SLC4A4: variants seen among roughly 807,000 people sequenced by gnomAD.
SLC4A4 encodes the protein solute carrier family 4 member 4.
SLC4A4 carries 27 observed loss-of-function variants against 111.5 expected under a neutral mutation model. The ratio of observed to expected loss-of-function variants is 0.24; its 90% CI spans 0.18 to 0.33. The LOEUF (loss-of-function observed/expected upper bound fraction) is 0.33. SLC4A4 is among the 10% of genes least tolerant of loss of function. The probability of loss-of-function intolerance (pLI) is 1.00; values close to 1 mark genes in which losing one functional copy is unlikely to be tolerated. For missense variants in SLC4A4, 909 were observed against 1,315.5 expected (o/e 0.69, Z 4.78); for synonymous variants, 443 against 463.4 (o/e 0.96, Z 0.57).
intron 16 of SLC4A4, among the ~76,000 whole-genome samples, chr4:71,499,477 T>A (rs2149154240): frequency 6.6e-6 from 1 of 152,322 alleles, no homozygotes; most frequent in South Asian, 2.1e-4. Context: ...TTAGCAATTT[T>A]AAAATATACA....
At chr4:71,145,711 C>G (rs1320429973) in intron 2 of SLC4A4, among the ~76,000 whole-genome samples, 1 of 152,096 alleles carries the variant, frequency 6.6e-6, no homozygotes, top group African/African-American at 2.4e-5. Context: ...TCCATTTCTT[C>G]TAGATTTTCT....
At chr4:71,309,112 T>A (rs1725928597) in intron 3 of SLC4A4, among the ~76,000 whole-genome samples, 1 of 152,096 alleles carries the variant, frequency 6.6e-6, no homozygotes, top group Non-Finnish European at 1.5e-5. Context: ...GGACTGGACG[T>A]AACTCAACAC....
At position 71,135,917 on chromosome 4, in the gene SLC4A4, C is replaced by A. The variant is rs528798579; in HGVS notation, c.-2+43125C>A. 2.0e-5 allele frequency among the ~76,000 whole-genome samples: 3 copies of A among 152,310 alleles called. No individual in the cohort carries two copies. The South Asian group carries it at 6.2e-4, about 32-fold the overall frequency. On this transcript the variant is annotated intron_variant, in intron 2 of 26. Transcript: ENST00000649996. The stretch of plus-strand genomic sequence containing the variant: ...TGTCGATGCCTTGCCTAGCCAGTCT[C>A]CTGAAAGAACGCAGTATTTTGGACT...
rs375487280 is a variant in SLC4A4, at chr4:71,374,297, G to A, written c.730+17110G>A. Reference sequence around the variant, plus strand: ...GGGTCACTTATTGTACCATTTCCACGTATATTTTTGGCCTTTAAAATCTAA... The same window carrying A: ...GGGTCACTTATTGTACCATTTCCACATATATTTTTGGCCTTTAAAATCTAA... On this transcript the variant is annotated intron_variant, in intron 6 of 25. Coordinates refer to ENST00000264485, the MANE Select transcript of SLC4A4 (RefSeq NM_001098484.3). Among the ~76,000 whole-genome samples, 12 of 152,064 alleles carry A rather than the reference G, an allele frequency of 7.9e-5. No homozygotes were observed. The East Asian group carries it at 1.7e-3, about 22-fold the overall frequency.
At chr4:71,180,888 T>A (rs1431853535) in intron 2 of SLC4A4, among the ~76,000 whole-genome samples, 1 of 152,112 alleles carries the variant, frequency 6.6e-6, no homozygotes, top group Non-Finnish European at 1.5e-5. Context: ...GGATTATAAA[T>A]CATGCTACTA....
chr4:71,474,117 CAAA>C (rs55943109), intron 14 of SLC4A4, among the ~76,000 whole-genome samples: 249 of 121,286 alleles, frequency 2.1e-3, no homozygotes, highest in Middle Eastern at 4.3e-3. Context: ...AAGACCCTGT[CAAA>C]AAAAAAAAAA....
At chr4:71,079,453 A>G (rs947027309) in intron 1 of SLC4A4, among the ~76,000 whole-genome samples, 2 of 152,174 alleles carry the variant, frequency 1.3e-5, no homozygotes, top group African/African-American at 4.8e-5. Flanking sequence ...TTCAAGTACT[A>G]TGATGACAGG....
At chr4:71,410,100 G>T (rs1721234063) in intron 7 of SLC4A4, among the ~76,000 whole-genome samples, 1 of 152,210 alleles carries the variant, frequency 6.6e-6, no homozygotes, top group African/African-American at 2.4e-5. Flanking sequence ...CAGGGGTGGG[G>T]CCCTTATGGA....
chr4:71,171,160 T>C (rs1744922911), intron 2 of SLC4A4, among the ~76,000 whole-genome samples: 1 of 147,916 alleles, frequency 6.8e-6, no homozygotes, highest in Non-Finnish European at 1.5e-5. Flanking sequence ...GTTTGTTTTG[T>C]TTTTTTTTTT....
At chr4:71,316,246 T>C (rs902005928) in intron 3 of SLC4A4, among the ~76,000 whole-genome samples, 3 of 152,172 alleles carry the variant, frequency 2.0e-5, no homozygotes, top group African/African-American at 7.2e-5. Flanking sequence ...TGGGCTTCAA[T>C]TTATTTGCCA....
intron 2 of SLC4A4, among the ~76,000 whole-genome samples, chr4:71,105,280 A>T (rs1000542541): frequency 2.0e-5 from 3 of 150,506 alleles, no homozygotes; most frequent in Admixed American, 2.0e-4. Context: ...GAGGATACAA[A>T]CAAATGGAAG....
intron 6 of SLC4A4, among the ~76,000 whole-genome samples, chr4:71,376,342 C>G (rs1051282192): frequency 3.6e-4 from 55 of 150,860 alleles, no homozygotes; most frequent in African/African-American, 1.3e-3. Flanking sequence ...GCTGGGACTA[C>G]GGGCACCCGC....
At chr4:71,268,513 T>C (rs1560830753) in intron 3 of SLC4A4, among the ~76,000 whole-genome samples, 1 of 152,222 alleles carries the variant, frequency 6.6e-6, no homozygotes, top group Non-Finnish European at 1.5e-5. Flanking sequence ...TATTTTGTCA[T>C]AGTTAGGACA....
At chr4:71,566,413 T>G (rs916499229) in intron 24 of SLC4A4, among the ~76,000 whole-genome samples, 3 of 151,700 alleles carry the variant, frequency 2.0e-5, no homozygotes, top group Non-Finnish European at 4.4e-5. Flanking sequence ...TAGCCAGAAT[T>G]TGAGGCTCAT....
chr4:71,479,731 C>G (rs138963628), intron 14 of SLC4A4, among the ~76,000 whole-genome samples: 2 of 151,690 alleles, frequency 1.3e-5, no homozygotes, highest in African/African-American at 4.8e-5. Flanking sequence ...ACTCCTTTAC[C>G]GGCACAGTTG....
At chr4:71,552,942 A>G (rs1161862076) in intron 20 of SLC4A4, among the ~76,000 whole-genome samples, 1 of 151,870 alleles carries the variant, frequency 6.6e-6, no homozygotes, top group Non-Finnish European at 1.5e-5. Context: ...TTCTATTGCA[A>G]GAAATGATTA....
chr4:71,116,420 C>T (rs11724714), intron 2 of SLC4A4, among the ~76,000 whole-genome samples: 94,134 of 152,082 alleles, frequency 0.62, 34,098 homozygotes, highest in Non-Finnish European at 0.79. Context: ...TAATACAAAA[C>T]GAGTCAACAC....
At chr4:71,161,050 G>T (rs988053814) in intron 2 of SLC4A4, among the ~76,000 whole-genome samples, 4 of 152,138 alleles carry the variant, frequency 2.6e-5, no homozygotes, top group African/African-American at 7.2e-5. Flanking sequence ...TGGGGGCTGG[G>T]GTATGTCTGC....
At chr4:71,204,495 T>C (rs750727441) in intron 1 of SLC4A4, among the ~76,000 whole-genome samples, 2 of 152,214 alleles carry the variant, frequency 1.3e-5, no homozygotes, top group Non-Finnish European at 2.9e-5. Flanking sequence ...TTTATTCTTC[T>C]TGTTTCCATA....
Sources: allele counts gnomAD v4.1 joint callset (sites outside exome capture counted in the v4.1 genomes callset), GRCh38; gene constraint gnomAD v4.1.1; transcripts MANE v1.5; gene names NCBI Gene and HGNC (gene_info 2026-07-23, HGNC 2026-07-21).